The following CFAP52 variants were observed in gnomAD, a reference collection of about 807,000 sequenced individuals.
CFAP52 encodes the protein cilia and flagella associated protein 52.
A neutral mutation model predicts 70.5 loss-of-function variants in CFAP52; 57 were observed. The ratio of observed to expected loss-of-function variants is 0.81; its 90% CI spans 0.65 to 1.01. The LOEUF is 1.01. Among genes scored for constraint, CFAP52 ranks in the 50% least tolerant of loss-of-function variants. CFAP52 has a pLI of 0.00. For synonymous variants in CFAP52, 267 were observed against 292.5 expected (o/e 0.91, Z 0.89); for missense variants, 785 against 788.5 (o/e 1.00, Z 0.05).
chr17:9,642,855 CT>C (rs1216825077), intron 13 of CFAP52, among the ~76,000 whole-genome samples, 167 bp from the exon 14 acceptor site: 3 of 152,146 alleles, frequency 2.0e-5, no homozygotes, highest in Non-Finnish European at 4.4e-5. Context: ...GTATTTCCCC[CT>C]CCTCTTCAAA....
chr17:9,641,883 G>A, intron 13 of CFAP52, 48 bp downstream of exon 13: 1 of 1,521,884 alleles, frequency 6.6e-7, no homozygotes, highest in Non-Finnish European at 9.1e-7. Context: ...TTTAGACGAG[G>A]ACATGGAAGG....
intron 12 of CFAP52, 188 bp downstream of exon 12, chr17:9,638,899 G>A (rs1273276066): frequency 2.0e-5 from 12 of 600,022 alleles, no homozygotes; most frequent in Admixed American, 8.5e-5. Context: ...CCTGTTAAGT[G>A]GAAATGGTAC....
chr17:9,644,557 T>C (rs1321813013), downstream of CFAP52: 4 of 126,880 alleles, frequency 3.2e-5, no homozygotes, highest in East Asian at 9.0e-4. Context: ...TGATTAATTA[T>C]AAACCTGACA....
intron 5 of CFAP52, 115 bp downstream of exon 5, chr17:9,598,448 C>A: frequency 1.3e-6 from 1 of 763,518 alleles, no homozygotes; most frequent in Non-Finnish European, 2.1e-6. Flanking sequence ...GGGGTATAGA[C>A]ATAGGGGATG....
intron 3 of CFAP52, among the ~76,000 whole-genome samples, chr17:9,588,089 A>G (rs920440490): frequency 6.6e-6 from 1 of 152,202 alleles, no homozygotes; most frequent in African/African-American, 2.4e-5. Flanking sequence ...TGTGAGGAAC[A>G]TGGCTGTGCT....
At position 9,579,596 on chromosome 17, in the gene CFAP52, CT is replaced by C. The variant is rs749800986; in HGVS notation, c.70+2832del. Among the ~76,000 whole-genome samples, 6 of 152,182 alleles carry C rather than the reference CT, an allele frequency of 3.9e-5. 1 individual carries two copies. The South Asian group carries it at 8.3e-4, about 21-fold the overall frequency. On this transcript the variant is annotated intron_variant, in intron 1 of 13. Transcript: ENST00000352665. ...TTGAATTTTGTTTTTGAGATGGAGTCTCACCCTGTCTCCCAGGCTGGAGTGC... is the reference window on the plus strand; with the variant it reads ...TTGAATTTTGTTTTTGAGATGGAGTCCACCCTGTCTCCCAGGCTGGAGTGC...
chr17:9,645,508 C>T, downstream of CFAP52: 1 of 960,872 alleles, frequency 1.0e-6, no homozygotes, highest in South Asian at 5.2e-5. The surrounding 1 kb of genome is among the most constrained non-coding windows in gnomAD (Gnocchi z 6.8). Context: ...GCCTCCGCCC[C>T]GTCCCCGCAC....
At chr17:9,611,256 T>A (rs935096468) in intron 7 of CFAP52, among the ~76,000 whole-genome samples, 2 of 146,562 alleles carry the variant, frequency 1.4e-5, no homozygotes, top group African/African-American at 4.9e-5. Context: ...TTTTTTTTTT[T>A]AAGTTCATAC....
chr17:9,608,587 T>C (rs914792491), intron 7 of CFAP52, among the ~76,000 whole-genome samples: 1 of 152,222 alleles, frequency 6.6e-6, no homozygotes, highest in African/African-American at 2.4e-5. Context: ...ATGAAATTTA[T>C]TATGCAATGG....
intron 8 of CFAP52, among the ~76,000 whole-genome samples, chr17:9,622,804 AT>A (rs1408439817): frequency 6.6e-6 from 1 of 152,098 alleles, no homozygotes; most frequent in African/African-American, 2.4e-5. Context: ...GCAATAGAAC[AT>A]TTTTATCATC....
rs750736659 is a variant in CFAP52 at position 9,594,192 on chromosome 17, G to C, written c.408-1G>C. On this transcript the variant is annotated splice_acceptor_variant, in intron 3 of 13. Coordinates refer to ENST00000352665, the MANE Select transcript of CFAP52 (RefSeq NM_145054.5). LOFTEE classifies it high-confidence loss of function. The stretch of plus-strand genomic sequence containing the variant: ...TTTTTTGGTCCCTCTTATTTTGGCA[G>C]TGTGGTGGTGTGGAGCATAGCCAAG... The C allele has an allele frequency of 4.4e-6, 7 of 1,589,004 alleles. No homozygotes were observed. Among genetic ancestry groups the C allele is most frequent in the Non-Finnish European group, 6.0e-6 (7 of 1,169,068 alleles).
At chr17:9,596,086 TA>T in intron 4 of CFAP52, among the ~76,000 whole-genome samples, 1 of 140,256 alleles carries the variant, frequency 7.1e-6, no homozygotes, top group East Asian at 2.4e-4. Flanking sequence ...TATATATATA[TA>T]TATATATATA....
chr17:9,596,059 G>GTGTGTGTATGTATA (rs1555541607), intron 4 of CFAP52, among the ~76,000 whole-genome samples: 7 of 85,212 alleles, frequency 8.2e-5, no homozygotes, highest in Non-Finnish European at 1.2e-4. Context: ...ATATGTGTGT[G>GTGTGTGTATGTATA]TATATATATA....
chr17:9,600,154 G>A lies in CFAP52; in HGVS notation c.724G>A (p.Val242Ile), dbSNP rs142418111. Reference sequence around the variant, plus strand: ...CCCCAGGACTAAACTGCTGACAGATGTTGGGCCTGCGAAGGACAAATTCAG... The same window carrying A: ...CCCCAGGACTAAACTGCTGACAGATATTGGGCCTGCGAAGGACAAATTCAG... ...MNPRTKLLTD[V>I]GPAKDKFSLG... Residue 242 changes from valine to isoleucine, a missense_variant, in exon 6 of 14, where the codon GTT becomes ATT. Transcript: ENST00000352665. The A allele has an allele frequency of 6.8e-6, 11 of 1,613,948 alleles. No homozygotes were observed. The African/African-American group carries it at 1.3e-4, about 20-fold the overall frequency.
rs1225502565 is a variant in CFAP52 at position 9,631,014 on chromosome 17, GAA to G, written c.1175-1872_1175-1871del. ...AAAAAGAAAGAAAGAAAGAAAGAAA[GAA>G]AGAAAGAAAGAAAGAGAGAGAGAGA... On this transcript the variant is annotated intron_variant, in intron 9 of 13. Transcript: ENST00000352665. Among the ~76,000 whole-genome samples, 241 of 58,304 alleles carry G rather than the reference GAA, an allele frequency of 4.1e-3. 5 individuals carry two copies. Among genetic ancestry groups the G allele is most frequent in the African/African-American group, 0.024 (224 of 9,458 alleles). 38.2% of individuals were successfully genotyped at this position (58,304 alleles called of 152,430 possible).
At chr17:9,625,755 G>T (rs1910213127) in intron 8 of CFAP52, among the ~76,000 whole-genome samples, 1 of 152,040 alleles carries the variant, frequency 6.6e-6, no homozygotes, top group African/African-American at 2.4e-5. Flanking sequence ...GAGGTTTTTG[G>T]TGTCATTAAG....
intron 6 of CFAP52, among the ~76,000 whole-genome samples, chr17:9,607,223 A>G (rs56237272): frequency 0.21 from 31,607 of 152,138 alleles, 3,555 homozygotes; most frequent in East Asian, 0.43. Flanking sequence ...GCGCATGCCT[A>G]TAATCCCAGC....
chr17:9,583,046 T>A (rs1043834417), intron 1 of CFAP52, among the ~76,000 whole-genome samples: 1 of 152,258 alleles, frequency 6.6e-6, no homozygotes, highest in Non-Finnish European at 1.5e-5. Context: ...TTGTACACAC[T>A]GTCTTGTTTT....
intron 6 of CFAP52, among the ~76,000 whole-genome samples, chr17:9,603,509 C>T (rs9911158): frequency 0.65 from 99,529 of 152,036 alleles, 33,927 homozygotes; most frequent in Admixed American, 0.75. Context: ...ACACCCGGCC[C>T]TAAGTAGATA....
Sources: allele counts gnomAD v4.1 joint callset (sites outside exome capture counted in the v4.1 genomes callset), GRCh38; gene constraint gnomAD v4.1.1; non-coding constraint Gnocchi (gnomAD v3.1); transcripts MANE v1.5; gene names NCBI Gene and HGNC (gene_info 2026-07-23, HGNC 2026-07-21).